EIF3H: variants seen among roughly 807,000 people sequenced by gnomAD.
EIF3H encodes eukaryotic translation initiation factor 3 subunit H, also known as eIF-3-gamma.
EIF3H carries 26 observed loss-of-function variants against 44.2 expected under a neutral mutation model. The ratio of observed to expected loss-of-function variants is 0.59; its 90% CI spans 0.43 to 0.82. The LOEUF is 0.82. EIF3H is among the 40% of genes least tolerant of loss of function. The pLI, the probability that EIF3H is intolerant of heterozygous loss-of-function variation, is 0.00. For missense variants in EIF3H, 359 were observed against 432.8 expected (o/e 0.83, Z 1.51); for synonymous variants, 166 against 151.9 (o/e 1.09, Z -0.68).
At chr8:116,654,752 C>T (rs1213033591) in intron 5 of EIF3H, among the ~76,000 whole-genome samples, 1 of 152,152 alleles carries the variant, frequency 6.6e-6, no homozygotes, top group Non-Finnish European at 1.5e-5. Flanking sequence ...CCCGTTAAGA[C>T]TTTCTAGTGG....
chr8:116,741,403 T>A (rs1461413416), intron 1 of EIF3H, among the ~76,000 whole-genome samples: 2 of 152,254 alleles, frequency 1.3e-5, no homozygotes, highest in Non-Finnish European at 2.9e-5. Context: ...ACACGATGTT[T>A]TGAATCTGCA....
chr8:116,679,312 G>A (rs1813921993), intron 2 of EIF3H, among the ~76,000 whole-genome samples: 1 of 62,876 alleles, frequency 1.6e-5, no homozygotes, highest in African/African-American at 3.9e-5. Context: ...TCAGCCCCCC[G>A]CCCGGCCAGC....
chr8:116,658,174 C>T (rs924371163), intron 3 of EIF3H: 7 of 152,100 alleles, frequency 4.6e-5, no homozygotes, highest in African/African-American at 1.2e-4. Context: ...TAAGATTGAT[C>T]GTATTCATTA....
intron 2 of EIF3H, among the ~76,000 whole-genome samples, chr8:116,660,480 A>G (rs1426975052): frequency 6.6e-6 from 1 of 152,218 alleles, no homozygotes; most frequent in Admixed American, 6.5e-5. Context: ...CTCATGCTAA[A>G]AGATGGCAGC....
intron 2 of EIF3H, among the ~76,000 whole-genome samples, chr8:116,674,788 T>A (rs2130825006): frequency 6.6e-6 from 1 of 152,260 alleles, no homozygotes; most frequent in African/African-American, 2.4e-5. Flanking sequence ...AGCCCAAGAC[T>A]CTACTGAGTA....
intron 1 of EIF3H, among the ~76,000 whole-genome samples, chr8:116,742,228 T>C (rs1266608563): frequency 2.6e-5 from 4 of 152,206 alleles, no homozygotes; most frequent in African/African-American, 9.6e-5. Flanking sequence ...TAATGCTCAC[T>C]GATGGTCCAC....
At chr8:116,690,913 C>A (rs1188343472) in intron 2 of EIF3H, among the ~76,000 whole-genome samples, 1 of 152,156 alleles carries the variant, frequency 6.6e-6, no homozygotes. Flanking sequence ...ACATTAAAGG[C>A]TCTGATAAGC....
Position 116,658,992 on chromosome 8 carries a change from G to A in EIF3H, c.290-12C>T, listed in dbSNP as rs1347905051. On this transcript the variant is annotated splice_polypyrimidine_tract_variant and intron_variant, in intron 2 of 7. Transcript: ENST00000521861. The stretch of plus-strand genomic sequence containing the variant: ...CATCTGATATTGGACTGGATGATGG[G>A]GAAGAGGAAATTAAAAGAAAAAACT... 1.9e-6 allele frequency: 3 copies of A among 1,568,094 alleles called. No homozygotes were observed. The highest frequency in any genetic ancestry group is 2.0e-5 in the Admixed American group (1 of 50,496).
At chr8:116,685,088 ATAT>A (rs1395711730) in intron 2 of EIF3H, among the ~76,000 whole-genome samples, 8 of 152,172 alleles carry the variant, frequency 5.3e-5, no homozygotes, top group Non-Finnish European at 1.5e-5. Context: ...TTTGATATTG[ATAT>A]TATGCAAATC....
At chr8:116,684,329 G>T (rs1449568429) in intron 2 of EIF3H, among the ~76,000 whole-genome samples, 2 of 152,136 alleles carry the variant, frequency 1.3e-5, no homozygotes, top group African/African-American at 2.4e-5. Flanking sequence ...AGAAAAAACA[G>T]AGAGTGAATT....
intron 1 of EIF3H, among the ~76,000 whole-genome samples, chr8:116,736,472 T>C (rs987959796): frequency 1.3e-5 from 2 of 152,094 alleles, no homozygotes; most frequent in Non-Finnish European, 2.9e-5. Context: ...CCATCCTGAC[T>C]AACACGGTGA....
At chr8:116,704,552 A>G (rs541663250) in intron 2 of EIF3H, among the ~76,000 whole-genome samples, 25 of 152,326 alleles carry the variant, frequency 1.6e-4, no homozygotes, top group African/African-American at 5.3e-4. Context: ...AAAAATATCT[A>G]TTTTACTAAA....
intron 1 of EIF3H, among the ~76,000 whole-genome samples, chr8:116,752,164 C>T (rs1469694344): frequency 6.6e-6 from 1 of 152,088 alleles, no homozygotes; most frequent in Non-Finnish European, 1.5e-5. Flanking sequence ...AAACCATAAA[C>T]CATGAAAATT....
intron 2 of EIF3H, among the ~76,000 whole-genome samples, chr8:116,708,427 A>T (rs568548224): frequency 2.6e-5 from 4 of 152,074 alleles, no homozygotes; most frequent in Admixed American, 6.5e-5. Flanking sequence ...ACTTAAATAC[A>T]TAACAAAGAT....
At chr8:116,746,053 A>C (rs554152362) in intron 1 of EIF3H, among the ~76,000 whole-genome samples, 1 of 152,246 alleles carries the variant, frequency 6.6e-6, no homozygotes, top group African/African-American at 2.4e-5. Flanking sequence ...TTTACTATTG[A>C]TCCCCAGTAT....
chr8:116,654,744 C>T (rs1202133224), intron 5 of EIF3H, among the ~76,000 whole-genome samples: 2 of 152,108 alleles, frequency 1.3e-5, no homozygotes, highest in Admixed American at 1.3e-4. Flanking sequence ...CTCCCTGCCC[C>T]GTTAAGACTT....
chr8:116,675,726 C>A (rs1813837698), intron 2 of EIF3H, among the ~76,000 whole-genome samples: 1 of 152,196 alleles, frequency 6.6e-6, no homozygotes, highest in African/African-American at 2.4e-5. Context: ...GAGAATGAAG[C>A]ATCTGAATGC....
intron 2 of EIF3H, among the ~76,000 whole-genome samples, chr8:116,660,653 A>G (rs1268001590): frequency 6.6e-6 from 1 of 152,222 alleles, no homozygotes; most frequent in Non-Finnish European, 1.5e-5. Flanking sequence ...AAACTGCACT[A>G]CTGTAAAGAT....
chr8:116,744,582 A>G (rs899868266), intron 1 of EIF3H, among the ~76,000 whole-genome samples: 3 of 152,350 alleles, frequency 2.0e-5, no homozygotes, highest in South Asian at 2.1e-4. Context: ...ACACTTTGCT[A>G]TTAAACCTAA....
Sources: gnomAD v4.1 joint callset for allele counts (sites outside exome capture counted in the v4.1 genomes callset) on GRCh38, gnomAD v4.1.1 for gene constraint, MANE v1.5 for transcripts, NCBI Gene and HGNC (gene_info 2026-07-23, HGNC 2026-07-21) for gene names.